The following TRIM44 variants were observed in gnomAD, a reference collection of about 807,000 sequenced individuals.
TRIM44 encodes tripartite motif-containing protein 44.
Under a neutral mutation model 37.4 loss-of-function variants are expected in TRIM44, and 13 were observed. The ratio of observed to expected loss-of-function variants is 0.35; its 90% CI spans 0.23 to 0.55. The LOEUF (loss-of-function observed/expected upper bound fraction) is 0.55. TRIM44 is among the 20% of genes least tolerant of loss of function. The pLI, the probability that TRIM44 is intolerant of heterozygous loss-of-function variation, is 0.89. For synonymous variants in TRIM44, 175 were observed against 157.2 expected (o/e 1.11, Z -0.85); for missense variants, 426 against 437.2 (o/e 0.97, Z 0.23).
rs185384067 is a variant in TRIM44 at position 35,707,590 on chromosome 11, G to T, written c.748-18334G>T. Among the ~76,000 whole-genome samples, 179 of 139,460 alleles carry T rather than the reference G, an allele frequency of 1.3e-3. 7 individuals carry two copies. Among genetic ancestry groups the T allele is most frequent in the African/African-American group, 3.5e-3 (143 of 40,652 alleles). The allele number at this position is 139,460 out of a possible 152,430, so 91.5% of individuals were successfully genotyped here. A position where few individuals can be genotyped will look rare whatever the true frequency, so the allele number is the denominator to read the frequency against. On this transcript the variant is annotated intron_variant, in intron 2 of 4. Transcript: ENST00000299413. ...ATATAGATCATTGGAACAGAAAAGA[G>T]CCCTCAGAAATAACGCCGCATATCT...
intron 4 of TRIM44, among the ~76,000 whole-genome samples, chr11:35,802,921 A>G (rs558110395): frequency 6.6e-6 from 1 of 152,336 alleles, no homozygotes; most frequent in South Asian, 2.1e-4. Flanking sequence ...CTGGAATGTA[A>G]TGTTTCAGCT....
At chr11:35,778,342 A>G (rs1166138595) in intron 4 of TRIM44, among the ~76,000 whole-genome samples, 2 of 152,118 alleles carry the variant, frequency 1.3e-5, no homozygotes, top group African/African-American at 2.4e-5. Flanking sequence ...CTATTTATTC[A>G]GTTAGTCATT....
intron 4 of TRIM44, among the ~76,000 whole-genome samples, chr11:35,797,295 T>C (rs1385927600): frequency 2.6e-5 from 4 of 152,178 alleles, no homozygotes; most frequent in Non-Finnish European, 4.4e-5. Flanking sequence ...CATGAGTCCA[T>C]TCTGATATAA....
intron 4 of TRIM44, among the ~76,000 whole-genome samples, chr11:35,736,692 T>G (rs1794206221): frequency 6.6e-6 from 1 of 152,206 alleles, no homozygotes; most frequent in Admixed American, 6.5e-5. Context: ...GTCTAGCTCC[T>G]TGTCTACTAT....
chr11:35,736,599 G>T (rs745594166), intron 4 of TRIM44, among the ~76,000 whole-genome samples: 1 of 152,008 alleles, frequency 6.6e-6, no homozygotes. Flanking sequence ...AGCGCCAAAT[G>T]TTGTCCCACA....
chr11:35,760,196 G>A (rs1034915072), intron 4 of TRIM44, among the ~76,000 whole-genome samples: 1 of 152,180 alleles, frequency 6.6e-6, no homozygotes. Context: ...GTAATGGCAG[G>A]TGCCCCTCCC....
rs1436041768 is a variant in TRIM44, at chr11:35,725,974, T to G, written c.798T>G (p.Val266=). ...TTATACAGCAGGAATTTAAGAAAGT[T>G]CAGAAAGTGATTGCTGATGAGGAGC... ...KMFIQQEFKK[V]QKVIADEEQK... Residue 266 remains valine (V), a synonymous_variant, in exon 3 of 5, where the codon GTT becomes GTG. Coordinates refer to ENST00000299413, the MANE Select transcript of TRIM44 (RefSeq NM_017583.6). The G allele has an allele frequency of 2.5e-6, 4 of 1,613,972 alleles. No homozygotes were observed. Among genetic ancestry groups the G allele is most frequent in the Non-Finnish European group, 3.4e-6 (4 of 1,179,996 alleles).
intron 2 of TRIM44, among the ~76,000 whole-genome samples, chr11:35,712,877 C>CTT (rs1420900184): frequency 1.3e-5 from 2 of 152,152 alleles, no homozygotes; most frequent in African/African-American, 2.4e-5. Flanking sequence ...ATCACCCAGA[C>CTT]TTTTATTTAA....
At chr11:35,703,708 G>C (rs1851831450) in intron 2 of TRIM44, among the ~76,000 whole-genome samples, 1 of 152,204 alleles carries the variant, frequency 6.6e-6, no homozygotes, top group Non-Finnish European at 1.5e-5. Flanking sequence ...GGTCCTGTCT[G>C]ATAGAAGGAA....
chr11:35,689,589 ATT>A (rs1851617926), intron 2 of TRIM44, among the ~76,000 whole-genome samples: 1 of 152,176 alleles, frequency 6.6e-6, no homozygotes, highest in East Asian at 1.9e-4. Flanking sequence ...GATTGAGTAC[ATT>A]TATGGTAGGC....
Position 35,663,525 on chromosome 11 carries a change from A to AAGCGAGGCCGAAGAAGAC in TRIM44, c.416_433dup (p.Ser139_Asp144dup). The AAGCGAGGCCGAAGAAGAC allele has an allele frequency of 6.2e-7, 1 of 1,604,626 alleles. No homozygotes were observed. Among genetic ancestry groups the AAGCGAGGCCGAAGAAGAC allele is most frequent in the Non-Finnish European group, 8.5e-7 (1 of 1,175,082 alleles). On this transcript the variant is annotated inframe_insertion, in exon 1 of 5. Transcript: ENST00000299413. ...AGGAAGAAATGGAGGATGAGCAAGA[A>AAGCGAGGCCGAAGAAGAC]AGCGAGGCCGAAGAAGACAACCAAG...
At chr11:35,702,402 G>A (rs559188981) in intron 2 of TRIM44, among the ~76,000 whole-genome samples, 1 of 152,218 alleles carries the variant, frequency 6.6e-6, no homozygotes, top group Non-Finnish European at 1.5e-5. Context: ...TGGACTGAGA[G>A]TGCCTTGAGG....
intron 4 of TRIM44, among the ~76,000 whole-genome samples, chr11:35,771,164 G>A (rs191535936): frequency 1.8e-4 from 28 of 152,334 alleles, no homozygotes; most frequent in Non-Finnish European, 2.8e-4. Context: ...ACTTCCTAGA[G>A]AGTTGTTGAA....
At chr11:35,713,468 C>A (rs970507541) in intron 2 of TRIM44, among the ~76,000 whole-genome samples, 4 of 147,710 alleles carry the variant, frequency 2.7e-5, no homozygotes, top group African/African-American at 1.0e-4. Context: ...TTTGTTCAGA[C>A]TTAAGGGTAA....
At chr11:35,696,774 G>T (rs550512388) in intron 2 of TRIM44, among the ~76,000 whole-genome samples, 2 of 151,502 alleles carry the variant, frequency 1.3e-5, no homozygotes, top group Non-Finnish European at 2.9e-5. Flanking sequence ...TTGAACCCAG[G>T]AGGCGGAGGT....
chr11:35,768,113 G>C (rs1446573586), intron 4 of TRIM44, among the ~76,000 whole-genome samples: 1 of 152,160 alleles, frequency 6.6e-6, no homozygotes, highest in Non-Finnish European at 1.5e-5. Context: ...ACTTAGACGG[G>C]GAATGGGGAT....
chr11:35,689,810 A>G (rs1365657979), intron 2 of TRIM44, among the ~76,000 whole-genome samples: 1 of 152,190 alleles, frequency 6.6e-6, no homozygotes, highest in Admixed American at 6.5e-5. Context: ...CCCCCTGCCC[A>G]GTCCTCAGAA....
In TRIM44 at chr11:35,751,956, A is replaced by G. The variant is rs185744948; in HGVS notation, c.1007+16511A>G. Among the ~76,000 whole-genome samples the G allele has an allele frequency of 1.5e-3, 235 of 152,274 alleles. 1 individual carries two copies. The highest frequency in any genetic ancestry group is 5.4e-3 in the African/African-American group (224 of 41,550). ...GTGACTTGTCCAAGTTTGCCCAGCT[A>G]AAATTAGAAGTGGCAAGAGTTAGAG... On this transcript the variant is annotated intron_variant, in intron 4 of 4. Coordinates refer to ENST00000299413, the MANE Select transcript of TRIM44 (RefSeq NM_017583.6).
intron 4 of TRIM44, among the ~76,000 whole-genome samples, chr11:35,743,684 A>G (rs181173624): frequency 8.0e-4 from 122 of 152,224 alleles, no homozygotes; most frequent in Non-Finnish European, 1.5e-3. Context: ...AAAGACACTG[A>G]TATTCTATTC....
Sources: allele counts gnomAD v4.1 joint callset (sites outside exome capture counted in the v4.1 genomes callset), GRCh38; gene constraint gnomAD v4.1.1; transcripts MANE v1.5; gene names NCBI Gene and HGNC (gene_info 2026-07-23, HGNC 2026-07-21).